Variants in GALNT17 observed in about 807,000 individuals in gnomAD.
GALNT17 encodes the protein polypeptide N-acetylgalactosaminyltransferase 17.
Under a neutral mutation model 63.7 loss-of-function variants are expected in GALNT17, and 29 were observed. That is an observed-to-expected ratio of 0.46 (90% CI 0.34 to 0.62). GALNT17 has a LOEUF of 0.62. GALNT17 is among the 20% of genes least tolerant of loss of function. The pLI is 0.01. For missense variants in GALNT17, 603 were observed against 799.6 expected (o/e 0.75, Z 2.97); for synonymous variants, 305 against 318.3 (o/e 0.96, Z 0.45).
At chr7:71,353,796 G>A (rs953069346) in intron 2 of GALNT17, among the ~76,000 whole-genome samples, 1 of 152,202 alleles carries the variant, frequency 6.6e-6, no homozygotes, top group Admixed American at 6.5e-5. Context: ...TGGGTTAAAT[G>A]TGGTGTATTA....
intron 1 of GALNT17, among the ~76,000 whole-genome samples, chr7:71,133,960 C>T (rs1044483761): frequency 6.6e-6 from 1 of 152,216 alleles, no homozygotes; most frequent in Non-Finnish European, 1.5e-5. Context: ...AAACGAACTG[C>T]AGATAATCAC....
chr7:71,705,070 AAAAC>A (rs1394262227), intron 9 of GALNT17, among the ~76,000 whole-genome samples: 4 of 152,202 alleles, frequency 2.6e-5, no homozygotes, highest in Non-Finnish European at 5.9e-5. Context: ...AAGCAAGTGA[AAAAC>A]AACCCACAGA....
intron 5 of GALNT17, among the ~76,000 whole-genome samples, chr7:71,471,122 G>A (rs1787620925): frequency 6.6e-6 from 1 of 151,240 alleles, no homozygotes; most frequent in Non-Finnish European, 1.5e-5. Flanking sequence ...CTATTGTCCA[G>A]GCTGGAGTGC....
intron 6 of GALNT17, among the ~76,000 whole-genome samples, chr7:71,610,669 A>C (rs1401723547): frequency 6.6e-6 from 1 of 152,092 alleles, no homozygotes; most frequent in Non-Finnish European, 1.5e-5. Context: ...TTATTATTAC[A>C]TGAGATTCTG....
chr7:71,409,037 C>CACACACACACACAT (rs1183429274), intron 3 of GALNT17, among the ~76,000 whole-genome samples: 8 of 151,498 alleles, frequency 5.3e-5, no homozygotes, highest in African/African-American at 1.9e-4. Context: ...CACACACACA[C>CACACACACACACAT]ACACACACAC....
chr7:71,367,473 C>A (rs192745965), intron 2 of GALNT17, among the ~76,000 whole-genome samples: 1 of 152,298 alleles, frequency 6.6e-6, no homozygotes, highest in Admixed American at 6.5e-5. Flanking sequence ...TTGGTATAGA[C>A]CGAGCTTCCC....
At chr7:71,532,132 G>C (rs1200728311) in intron 5 of GALNT17, among the ~76,000 whole-genome samples, 1 of 152,132 alleles carries the variant, frequency 6.6e-6, no homozygotes, top group African/African-American at 2.4e-5. Context: ...TTCACCTCTT[G>C]AGAGATGTAG....
At chr7:71,345,856 G>A (rs1401507862) in intron 2 of GALNT17, among the ~76,000 whole-genome samples, 3 of 151,796 alleles carry the variant, frequency 2.0e-5, no homozygotes, top group Non-Finnish European at 2.9e-5. Flanking sequence ...CTCACAGGTC[G>A]GTTTTTATAT....
intron 6 of GALNT17, among the ~76,000 whole-genome samples, chr7:71,608,522 AC>A: frequency 6.6e-6 from 1 of 152,322 alleles, no homozygotes; most frequent in Non-Finnish European, 1.5e-5. Context: ...ATTCTCAAGT[AC>A]CATCATATAA....
intron 9 of GALNT17, among the ~76,000 whole-genome samples, chr7:71,698,670 T>G (rs1297500628): frequency 6.6e-6 from 1 of 151,490 alleles, no homozygotes; most frequent in African/African-American, 2.4e-5. Flanking sequence ...ACGCAACTAA[T>G]CCAAGCAAAG....
At chr7:71,577,989 C>T (rs914147448) in intron 6 of GALNT17, among the ~76,000 whole-genome samples, 3 of 151,014 alleles carry the variant, frequency 2.0e-5, no homozygotes, top group Non-Finnish European at 2.9e-5. Flanking sequence ...CTTGCTCCTT[C>T]GGAGGGGTTG....
At chr7:71,310,960 G>T (rs1791405217) in intron 1 of GALNT17, among the ~76,000 whole-genome samples, 2 of 152,218 alleles carry the variant, frequency 1.3e-5, no homozygotes, top group Admixed American at 1.3e-4. Context: ...ATCCTGCTTT[G>T]CAGGAGGTAA....
At chr7:71,673,061 C>G (rs1047926206) in intron 8 of GALNT17, among the ~76,000 whole-genome samples, 1 of 152,058 alleles carries the variant, frequency 6.6e-6, no homozygotes, top group Middle Eastern at 3.4e-3. Flanking sequence ...ACTTTACAGG[C>G]AAGGCCTTAG....
intron 2 of GALNT17, among the ~76,000 whole-genome samples, chr7:71,352,422 G>GA (rs1792205636): frequency 6.6e-6 from 1 of 152,182 alleles, no homozygotes; most frequent in South Asian, 2.1e-4. Flanking sequence ...GGTCATCAAG[G>GA]AATACTACTG....
chr7:71,695,778 T>G (rs1357812103), intron 9 of GALNT17, among the ~76,000 whole-genome samples: 4 of 152,190 alleles, frequency 2.6e-5, no homozygotes, highest in African/African-American at 9.7e-5. Flanking sequence ...CAGCATCCTC[T>G]GTAGATGTCT....
At chr7:71,182,110 G>T (rs1290290558) in intron 1 of GALNT17, among the ~76,000 whole-genome samples, 1 of 152,194 alleles carries the variant, frequency 6.6e-6, no homozygotes, top group Non-Finnish European at 1.5e-5. Flanking sequence ...CAGAGGAGGA[G>T]GTTGCAGTGA....
intron 2 of GALNT17, among the ~76,000 whole-genome samples, chr7:71,377,188 G>A (rs1345432038): frequency 7.1e-6 from 1 of 141,662 alleles, no homozygotes; most frequent in Non-Finnish European, 1.5e-5. Context: ...CCCATGACAG[G>A]CCCTCCTACT....
intron 6 of GALNT17, among the ~76,000 whole-genome samples, chr7:71,577,835 G>A (rs1027355436): frequency 9.2e-5 from 14 of 151,950 alleles, no homozygotes; most frequent in Admixed American, 5.9e-4. Context: ...GGACTCAGGT[G>A]GAGACATGGT....
chr7:71,160,924 C>A (rs1417516998), intron 1 of GALNT17, among the ~76,000 whole-genome samples: 1 of 152,116 alleles, frequency 6.6e-6, no homozygotes, highest in Non-Finnish European at 1.5e-5. Flanking sequence ...TCATTGTAAC[C>A]TTGAACTCAA....
Sources: gnomAD v4.1 joint callset for allele counts (sites outside exome capture counted in the v4.1 genomes callset) on GRCh38, gnomAD v4.1.1 for gene constraint, MANE v1.5 for transcripts, NCBI Gene and HGNC (gene_info 2026-07-23, HGNC 2026-07-21) for gene names.